Variants in VPS37A observed in about 807,000 individuals in gnomAD.
VPS37A encodes the protein VPS37A subunit of ESCRT-I, also known as vacuolar protein sorting-associated protein 37A.
A neutral mutation model predicts 49.8 loss-of-function variants in VPS37A; 30 were observed. The observed-to-expected ratio is 0.60, with a 90% CI of 0.45 to 0.82. VPS37A has a LOEUF of 0.82. VPS37A is among the 40% of genes least tolerant of loss of function. The pLI is 0.00. For synonymous variants in VPS37A, 195 were observed against 160.6 expected (o/e 1.21, Z -1.62); for missense variants, 593 against 464.4 (o/e 1.28, Z -2.55).
chr8:17,263,063 A>G (rs1246932796), intron 1 of VPS37A, among the ~76,000 whole-genome samples: 1 of 151,694 alleles, frequency 6.6e-6, no homozygotes, highest in African/African-American at 2.4e-5. Flanking sequence ...CCATCTCAAA[A>G]AAAAAAAAAA....
chr8:17,277,451 A>T (rs1460316474), intron 6 of VPS37A, among the ~76,000 whole-genome samples: 1 of 152,074 alleles, frequency 6.6e-6, no homozygotes, highest in Non-Finnish European at 1.5e-5. Flanking sequence ...ATGAGCCACC[A>T]CGTATCCATC....
intron 1 of VPS37A, among the ~76,000 whole-genome samples, chr8:17,251,411 T>C (rs1811960330): frequency 6.6e-6 from 1 of 152,234 alleles, no homozygotes; most frequent in Non-Finnish European, 1.5e-5. Context: ...CTAAAAAATA[T>C]ATGTAAGACA....
chr8:17,300,879 A>G (rs928249102), downstream of VPS37A, among the ~76,000 whole-genome samples: 6 of 152,182 alleles, frequency 3.9e-5, no homozygotes, highest in Non-Finnish European at 8.8e-5. Flanking sequence ...CAACATGTGG[A>G]TTTTTGTATC....
At chr8:17,284,669 TA>T (rs1437815000) in intron 10 of VPS37A, 53 bp downstream of exon 10, 6 of 1,534,602 alleles carry the variant, frequency 3.9e-6, no homozygotes, top group Non-Finnish European at 5.2e-6. Context: ...TTGGTATTTT[TA>T]TAGAGGAGGA....
intron 1 of VPS37A, among the ~76,000 whole-genome samples, chr8:17,262,699 A>T (rs999104443): frequency 3.9e-5 from 6 of 152,224 alleles, no homozygotes; most frequent in Middle Eastern, 3.4e-3. Flanking sequence ...AAACAATCTA[A>T]ATATCTAATA....
chr8:17,288,605 T>C (rs1482921439), intron 11 of VPS37A, among the ~76,000 whole-genome samples: 2 of 152,248 alleles, frequency 1.3e-5, no homozygotes, highest in Admixed American at 6.5e-5. Context: ...CACATTTTCT[T>C]TATCCATTCT....
chr8:17,300,340 A>G (rs1049456848), downstream of VPS37A: 65 of 1,152,328 alleles, frequency 5.6e-5, no homozygotes, highest in African/African-American at 9.2e-4. Flanking sequence ...AGAACATGTG[A>G]CTCAGAGGGA....
the VPS37A span, among the ~76,000 whole-genome samples, chr8:17,329,167 G>A: frequency 0.012 from 1,887 of 152,304 alleles, 41 homozygotes; most frequent in East Asian, 0.075. Context: ...CAAGTGACCA[G>A]TAGTATGAGC....
At chr8:17,286,264 A>G (rs1815573936) in intron 10 of VPS37A, 83 bp from the exon 11 acceptor site, 3 of 1,062,018 alleles carry the variant, frequency 2.8e-6, no homozygotes, top group Non-Finnish European at 4.1e-6. Flanking sequence ...ACAAGTTAAA[A>G]GCTTCCTGTC....
chr8:17,284,637 G>C (rs1281534985), intron 10 of VPS37A, 21 bp downstream of exon 10: 1 of 1,570,352 alleles, frequency 6.4e-7, no homozygotes, highest in Non-Finnish European at 8.6e-7. Flanking sequence ...CTCGTCAGTT[G>C]AGGACAAGTA....
downstream of VPS37A, chr8:17,302,097 C>A (rs777062164): frequency 1.2e-6 from 2 of 1,605,582 alleles, no homozygotes; most frequent in Non-Finnish European, 1.7e-6. Flanking sequence ...TTTCATGAAG[C>A]CTTGCTCTTC....
chr8:17,274,587 C>T (rs1436719945), intron 4 of VPS37A, 146 bp from the exon 5 acceptor site: 5 of 534,152 alleles, frequency 9.4e-6, no homozygotes, highest in Non-Finnish European at 1.6e-5. Flanking sequence ...TATTTAATTC[C>T]ATTATATAAT....
At chr8:17,321,085 G>A in the VPS37A span, among the ~76,000 whole-genome samples, 1 of 152,244 alleles carries the variant, frequency 6.6e-6, no homozygotes, top group South Asian at 2.1e-4. Flanking sequence ...TAAGTTCAGG[G>A]GGCCTGAGGA....
chr8:17,309,302 A>G, the VPS37A span: 1 of 1,566,890 alleles, frequency 6.4e-7, no homozygotes, highest in Admixed American at 1.7e-5. Context: ...TGACCAAAGG[A>G]AATCCAGTCC....
chr8:17,301,984 T>A (rs1397338791), downstream of VPS37A: 1 of 793,044 alleles, frequency 1.3e-6, no homozygotes, highest in Non-Finnish European at 1.9e-6. Flanking sequence ...ATGCCTAGGT[T>A]TGGGCTTCGG....
chr8:17,274,871 T>A lies in VPS37A; in HGVS notation c.555T>A (p.Ser185Arg). 1 of 1,614,150 alleles carries A rather than the reference T, an allele frequency of 6.2e-7. No homozygotes were observed. Among genetic ancestry groups the A allele is most frequent in the Non-Finnish European group, 8.5e-7 (1 of 1,180,018 alleles). Reference sequence around the variant, plus strand: ...ACACTGTTTCTTCTTCAACAACAAGTCATACCACAGCCAAGCCTGCCGCTC... The same window carrying A: ...ACACTGTTTCTTCTTCAACAACAAGACATACCACAGCCAAGCCTGCCGCTC... Reference protein sequence around the residue: ...VADTVSSSTTSHTTAKPAAPS... With the variant: ...VADTVSSSTTRHTTAKPAAPS... Residue 185 changes from serine to arginine, a missense_variant, in exon 5 of 12, where the codon AGT (serine) becomes AGA (arginine). Ser to Arg is a moderately radical substitution (Grantham distance 110). Coordinates refer to ENST00000324849, the MANE Select transcript of VPS37A (RefSeq NM_152415.3).
the VPS37A span, among the ~76,000 whole-genome samples, chr8:17,327,652 A>C: frequency 1.3e-5 from 2 of 151,948 alleles, no homozygotes; most frequent in African/African-American, 4.8e-5. Context: ...AAAAAAAAAA[A>C]CTATCTCTAA....
Position 17,280,425 on chromosome 8 carries a change from G to C in VPS37A, c.951G>C (p.Arg317Ser). The C allele has an allele frequency of 6.2e-7, 1 of 1,608,408 alleles. No homozygotes were observed. Among genetic ancestry groups the C allele is most frequent in the Non-Finnish European group, 8.5e-7 (1 of 1,178,166 alleles). ...MKSTFEKKMQRQHELSESCSA... is the reference protein window; with the variant it reads ...MKSTFEKKMQSQHELSESCSA... Reference sequence around the variant, plus strand: ...CCACTTTCGAAAAGAAGATGCAAAGGCAGCATGAACTTAGTGAGGTAAGAC... The same window carrying C: ...CCACTTTCGAAAAGAAGATGCAAAGCCAGCATGAACTTAGTGAGGTAAGAC... The change falls in exon 9 of 12, where the codon AGG becomes AGC. Residue 317 changes from arginine to serine, a missense_variant. Physicochemically the swap from Arg to Ser is moderately radical, Grantham distance 110. Coordinates refer to ENST00000324849, the MANE Select transcript of VPS37A (RefSeq NM_152415.3).
At chr8:17,269,509 T>A (rs963777333) in intron 4 of VPS37A, among the ~76,000 whole-genome samples, 2 of 152,238 alleles carry the variant, frequency 1.3e-5, no homozygotes, top group Non-Finnish European at 2.9e-5. Flanking sequence ...TTACTAAATT[T>A]CCACAGAGCT....
Sources: allele counts gnomAD v4.1 joint callset (sites outside exome capture counted in the v4.1 genomes callset), GRCh38; gene constraint gnomAD v4.1.1; transcripts MANE v1.5; gene names NCBI Gene and HGNC (gene_info 2026-07-23, HGNC 2026-07-21).